Variants in NDUFS1 observed in about 807,000 individuals in gnomAD.
The protein encoded by NDUFS1 is NADH:ubiquinone oxidoreductase core subunit S1, also known as NADH-ubiquinone oxidoreductase 75 kDa subunit, mitochondrial.
NDUFS1 carries 61 observed loss-of-function variants against 84.4 expected under a neutral mutation model. The observed-to-expected ratio is 0.72, with a 90% confidence interval of 0.59 to 0.89. The LOEUF (loss-of-function observed/expected upper bound fraction) is 0.89. Among genes scored for constraint, NDUFS1 ranks in the 40% least tolerant of loss-of-function variants. The probability of loss-of-function intolerance (pLI) is 0.00; values close to 1 mark genes in which losing one functional copy is unlikely to be tolerated. For missense variants in NDUFS1, 891 were observed against 890.0 expected, an observed-to-expected ratio of 1.00 and a Z score of -0.01; for synonymous variants, 275 against 290.0, an observed-to-expected ratio of 0.95 and a Z score of 0.53.
chr2:206,151,210 A>T (rs1692359139), intron 3 of NDUFS1, among the ~76,000 whole-genome samples: 3 of 152,172 alleles, frequency 2.0e-5, no homozygotes, highest in Admixed American at 6.5e-5. Context: ...TCAAAATATA[A>T]GCTCTTCTGC....
chr2:206,149,469 C>T (rs1692285773), intron 4 of NDUFS1, among the ~76,000 whole-genome samples: 1 of 152,164 alleles, frequency 6.6e-6, no homozygotes, highest in South Asian at 2.1e-4. Flanking sequence ...TTCCCTGCAA[C>T]CCTTTTCTCT....
intron 2 of NDUFS1, 26 bp downstream of exon 2, chr2:206,153,592 G>A (rs761335815): frequency 2.9e-5 from 41 of 1,401,168 alleles, no homozygotes; most frequent in South Asian, 2.2e-4. Context: ...TAATATCCAC[G>A]AATGCAAATT....
At chr2:206,152,918 G>C (rs1357477733) in intron 2 of NDUFS1, among the ~76,000 whole-genome samples, 1 of 151,730 alleles carries the variant, frequency 6.6e-6, no homozygotes, top group Non-Finnish European at 1.5e-5. Context: ...TGGCCAGGAT[G>C]GTCTCAAACT....
chr2:206,141,979 A>G lies in NDUFS1; in HGVS notation c.1224T>C (p.Arg408=). ...TAGCATTAAACAGTGGTGCCTCAAAACGTGGGTTTGTACCAACCAGAAGAA... is the reference window on the plus strand; with the variant it reads ...TAGCATTAAACAGTGGTGCCTCAAAGCGTGGGTTTGTACCAACCAGAAGAA... ...DVVLLVGTNP[R]FEAPLFNARI... is the part of the protein sequence containing the mutation. The change falls in exon 12 of 19, where the codon CGT becomes CGC. Residue 408 remains arginine (R), a synonymous_variant. Coordinates refer to ENST00000233190, the MANE Select transcript of NDUFS1 (RefSeq NM_005006.7). 1 of 1,611,432 alleles carries G rather than the reference A, an allele frequency of 6.2e-7. No homozygotes were observed. The highest frequency in any genetic ancestry group is 8.5e-7 in the Non-Finnish European group (1 of 1,177,616).
intron 1 of NDUFS1, among the ~76,000 whole-genome samples, chr2:206,155,610 G>A (rs889260533): frequency 1.1e-4 from 16 of 151,838 alleles, no homozygotes; most frequent in African/African-American, 3.9e-4. Context: ...TAGAGACAGG[G>A]TTTCGCCACG....
intron 12 of NDUFS1, among the ~76,000 whole-genome samples, chr2:206,141,691 G>T (rs1231221846): frequency 6.7e-6 from 1 of 149,064 alleles, no homozygotes; most frequent in Non-Finnish European, 1.5e-5. Context: ...AGGAAATCGA[G>T]ACCATCCTGG....
At chr2:206,157,612 T>G (rs1400822276) in intron 1 of NDUFS1, among the ~76,000 whole-genome samples, 1 of 152,246 alleles carries the variant, frequency 6.6e-6, no homozygotes, top group Non-Finnish European at 1.5e-5. Context: ...CTTTAATACT[T>G]TTTTATCTCC....
chr2:206,148,125 A>C (rs996593803), intron 5 of NDUFS1, among the ~76,000 whole-genome samples: 5 of 152,114 alleles, frequency 3.3e-5, no homozygotes, highest in Non-Finnish European at 1.5e-5. Flanking sequence ...GGGTTTCATC[A>C]TGTTGGTCAG....
At chr2:206,159,192 C>T in intron 1 of NDUFS1, 149 bp downstream of exon 1, 1 of 1,524,756 alleles carries the variant, frequency 6.6e-7, no homozygotes, top group South Asian at 1.2e-5. Flanking sequence ...TCTGCCGGCT[C>T]TCAGGGGCTT....
Position 206,117,663 on chromosome 2 carries a change from G to C in NDUFS1, c.*6522C>G, listed in dbSNP as rs1286805142. 1 of 152,102 alleles carries C rather than the reference G, an allele frequency of 6.6e-6. No homozygotes were observed. Among genetic ancestry groups the C allele is most frequent in the Non-Finnish European group, 1.5e-5 (1 of 68,028 alleles). The allele number at this position is 152,102 out of a possible 1,614,324, so 9.4% of individuals were successfully genotyped here. The stretch of plus-strand genomic sequence containing the variant: ...TTGGCCAGGCTGGTCTTGAACTCCT[G>C]GCCTTATGAGAGCCACCGCACCCAG... On this transcript the variant is annotated 3_prime_UTR_variant, in exon 19 of 19. Transcript: ENST00000233190.
intron 18 of NDUFS1, among the ~76,000 whole-genome samples, chr2:206,124,846 AT>A (rs1340769484): frequency 2.6e-5 from 4 of 152,082 alleles, no homozygotes; most frequent in African/African-American, 9.7e-5. Context: ...TCTCAAAAAA[AT>A]AAATAAATAA....
chr2:206,133,223 C>T (rs1204705962), intron 13 of NDUFS1, 118 bp from the exon 14 acceptor site: 3 of 800,000 alleles, frequency 3.8e-6, no homozygotes, highest in East Asian at 2.7e-5. Context: ...TGAATGTCTT[C>T]AATTTGTTAG....
chr2:206,128,067 T>C, intron 15 of NDUFS1, 95 bp from the exon 16 acceptor site: 1 of 1,391,624 alleles, frequency 7.2e-7, no homozygotes, highest in Non-Finnish European at 1.0e-6. Context: ...AATCCCATTT[T>C]GTAAAGTCAC....
intron 15 of NDUFS1, among the ~76,000 whole-genome samples, chr2:206,129,409 T>C (rs1691419328): frequency 6.6e-6 from 1 of 151,896 alleles, no homozygotes. Context: ...ATCACAGACA[T>C]GCAGCAACAC....
At chr2:206,158,450 T>G (rs2105780212) in intron 1 of NDUFS1, among the ~76,000 whole-genome samples, 1 of 152,334 alleles carries the variant, frequency 6.6e-6, no homozygotes, top group Admixed American at 6.5e-5. Flanking sequence ...CCCCAGCATA[T>G]CATCCATTTT....
chr2:206,149,169 A>C (rs1316016013), intron 4 of NDUFS1, 73 bp from the exon 5 acceptor site: 7 of 1,069,676 alleles, frequency 6.5e-6, no homozygotes, highest in Non-Finnish European at 9.8e-6. Context: ...ATATATAAAA[A>C]TGTTAAATTA....
At chr2:206,126,915 G>T (rs2105944088) in intron 16 of NDUFS1, 71 bp from the exon 17 acceptor site, 2 of 1,565,948 alleles carry the variant, frequency 1.3e-6, no homozygotes, top group South Asian at 1.1e-5. Context: ...ATAGATAATT[G>T]TAACTATGGT....
At chr2:206,137,914 T>A (rs1394528347) in intron 13 of NDUFS1, among the ~76,000 whole-genome samples, 1 of 152,204 alleles carries the variant, frequency 6.6e-6, no homozygotes, top group African/African-American at 2.4e-5. Context: ...AAAATTAAAC[T>A]CTGGCAAATA....
chr2:206,117,785 A>T lies in NDUFS1; in HGVS notation c.*6400T>A, dbSNP rs906423022. ...TCAGAAGAGCTGATCCAAACCCAAG[A>T]TCTGCCCCTAACTTGCCTCTTATTC... On this transcript the variant is annotated 3_prime_UTR_variant, in exon 19 of 19. Transcript: ENST00000233190. 1 of 152,160 alleles carries T rather than the reference A, an allele frequency of 6.6e-6. No individual in the cohort carries two copies. Among genetic ancestry groups the T allele is most frequent in the Non-Finnish European group, 1.5e-5 (1 of 68,042 alleles). The allele number at this position is 152,160 out of a possible 1,614,324, so 9.4% of individuals were successfully genotyped here.
Sources: gnomAD v4.1 joint callset for allele counts (sites outside exome capture counted in the v4.1 genomes callset) on GRCh38, gnomAD v4.1.1 for gene constraint, MANE v1.5 for transcripts, NCBI Gene and HGNC (gene_info 2026-07-23, HGNC 2026-07-21) for gene names.